The following ZEB1 variants were observed in gnomAD, a reference collection of about 807,000 sequenced individuals.
ZEB1 encodes the protein zinc finger E-box-binding homeobox 1.
A neutral mutation model predicts 84.9 loss-of-function variants in ZEB1; 21 were observed. The observed-to-expected ratio is 0.25, with a 90% CI of 0.18 to 0.36. The LOEUF is 0.36. Among genes scored for constraint, ZEB1 ranks in the 10% least tolerant of loss-of-function variants. The pLI is 1.00. For missense variants in ZEB1, 1,104 were observed against 1,330.2 expected, an observed-to-expected ratio of 0.83 and a Z score of 2.65; for synonymous variants, 420 against 471.1, an observed-to-expected ratio of 0.89 and a Z score of 1.41.
At chr10:31,395,233 C>G (rs1024160347) in intron 1 of ZEB1, among the ~76,000 whole-genome samples, 4 of 152,190 alleles carry the variant, frequency 2.6e-5, no homozygotes, top group Non-Finnish European at 4.4e-5. Context: ...CTTGTCTAGT[C>G]TCACTGTTCT....
At position 31,468,738 on chromosome 10, in the gene ZEB1, A is replaced by T. The variant is rs149078442; in HGVS notation, c.259+7501A>T. On this transcript the variant is annotated intron_variant, in intron 2 of 8. Transcript: ENST00000424869. ...GCAAAGCCAAAGGACACAACCCAAC[A>T]TATGCAAGAGTCACACCCTCAAGGG... Among the ~76,000 whole-genome samples the T allele has an allele frequency of 3.6e-4, 55 of 152,296 alleles. No individual in the cohort carries two copies. The East Asian group carries it at 9.5e-3, about 26-fold the overall frequency.
chr10:31,369,338 C>T (rs538161829), intron 1 of ZEB1, among the ~76,000 whole-genome samples: 1 of 152,268 alleles, frequency 6.6e-6, no homozygotes, highest in African/African-American at 2.4e-5. Context: ...AAACTTCATA[C>T]CCCTTGATCA....
chr10:31,420,327 A>G (rs970642899), intron 1 of ZEB1, among the ~76,000 whole-genome samples: 2 of 152,142 alleles, frequency 1.3e-5, no homozygotes, highest in Admixed American at 1.3e-4. Flanking sequence ...TTAAGGCAGC[A>G]ATCAAGGTAC....
chr10:31,320,081 C>T (rs986341541), intron 1 of ZEB1: 1 of 151,486 alleles, frequency 6.6e-6, no homozygotes, highest in African/African-American at 2.4e-5. Context: ...CCTAAGCGCC[C>T]CTCCTCCCTG....
chr10:31,444,345 T>G (rs1222345414), intron 1 of ZEB1, among the ~76,000 whole-genome samples: 2 of 148,776 alleles, frequency 1.3e-5, no homozygotes, highest in Non-Finnish European at 3.0e-5. Flanking sequence ...TGCAAAAATT[T>G]TCTCCCATTT....
chr10:31,488,241 T>G (rs1281734890), intron 2 of ZEB1, among the ~76,000 whole-genome samples: 1 of 151,272 alleles, frequency 6.6e-6, no homozygotes, highest in East Asian at 1.9e-4. Context: ...CTAATTCAAT[T>G]TAAAAATATT....
At chr10:31,408,157 G>C (rs1174477349) in intron 1 of ZEB1, among the ~76,000 whole-genome samples, 10 of 151,334 alleles carry the variant, frequency 6.6e-5, no homozygotes, top group African/African-American at 1.7e-4. Context: ...GCTTCAAAGA[G>C]AATAAAATAC....
intron 1 of ZEB1, among the ~76,000 whole-genome samples, chr10:31,445,201 A>C (rs1315874050): frequency 6.8e-6 from 1 of 146,212 alleles, no homozygotes; most frequent in East Asian, 1.9e-4. Flanking sequence ...TTCACTCATG[A>C]TTTGGCTTTC....
chr10:31,397,159 T>TTTATTA (rs200770494), intron 1 of ZEB1, among the ~76,000 whole-genome samples: 3,093 of 128,318 alleles, frequency 0.024, 45 homozygotes, highest in African/African-American at 0.028. Context: ...TCTTGGGTTT[T>TTTATTA]TTATTATTAT....
At chr10:31,472,551 T>C (rs977453135) in intron 2 of ZEB1, among the ~76,000 whole-genome samples, 2 of 146,054 alleles carry the variant, frequency 1.4e-5, no homozygotes, top group Non-Finnish European at 3.0e-5. Flanking sequence ...GGATCTGAAA[T>C]TGTGGCAATA....
intron 3 of ZEB1, among the ~76,000 whole-genome samples, chr10:31,498,834 A>G (rs1210776129): frequency 1.3e-5 from 2 of 152,014 alleles, no homozygotes; most frequent in Admixed American, 6.6e-5. Context: ...TCCATTCTAT[A>G]TGCACTATAG....
chr10:31,430,228 G>A (rs2057547073), intron 1 of ZEB1, among the ~76,000 whole-genome samples: 1 of 152,174 alleles, frequency 6.6e-6, no homozygotes, highest in African/African-American at 2.4e-5. Context: ...TAGACTGTTA[G>A]AATGAATTCA....
intron 7 of ZEB1, among the ~76,000 whole-genome samples, chr10:31,522,926 G>C (rs1158202984): frequency 6.6e-6 from 1 of 152,050 alleles, no homozygotes. Context: ...AATTTTTAGT[G>C]TACAGAACAC....
intron 1 of ZEB1, among the ~76,000 whole-genome samples, chr10:31,333,572 C>A (rs2037284865): frequency 6.6e-6 from 1 of 151,436 alleles, no homozygotes; most frequent in South Asian, 2.1e-4. Context: ...GGTATGTGTA[C>A]CTTACAAACT....
chr10:31,444,883 A>T (rs917734564), intron 1 of ZEB1, among the ~76,000 whole-genome samples: 1 of 150,416 alleles, frequency 6.6e-6, no homozygotes, highest in Non-Finnish European at 1.5e-5. Context: ...CTTAGGATTG[A>T]CTTGGCGATG....
chr10:31,355,125 ATTCC>A (rs1347207441), intron 1 of ZEB1: 1 of 152,188 alleles, frequency 6.6e-6, no homozygotes, highest in Non-Finnish European at 1.5e-5. Context: ...AAAGTAAATT[ATTCC>A]TTTTTTTCTC....
At chr10:31,483,462 A>C (rs541118845) in intron 2 of ZEB1, among the ~76,000 whole-genome samples, 2 of 152,136 alleles carry the variant, frequency 1.3e-5, no homozygotes, top group Non-Finnish European at 2.9e-5. Context: ...ATATACATTA[A>C]ATATGATATC....
chr10:31,522,198 G>T (rs1272413427), intron 7 of ZEB1, among the ~76,000 whole-genome samples: 1 of 152,174 alleles, frequency 6.6e-6, no homozygotes, highest in East Asian at 1.9e-4. Flanking sequence ...CTAAAAACCT[G>T]TTTGAAGTTA....
chr10:31,390,921 C>A (rs2135219456), intron 1 of ZEB1, among the ~76,000 whole-genome samples: 1 of 152,196 alleles, frequency 6.6e-6, no homozygotes, highest in South Asian at 2.1e-4. Flanking sequence ...ACAGTCACCT[C>A]CTTAGTAGTG....
Sources: gnomAD v4.1 joint callset for allele counts (sites outside exome capture counted in the v4.1 genomes callset) on GRCh38, gnomAD v4.1.1 for gene constraint, MANE v1.5 for transcripts, NCBI Gene and HGNC (gene_info 2026-07-23, HGNC 2026-07-21) for gene names.